The following SYNPO2 variants were observed in gnomAD, a reference collection of about 807,000 sequenced individuals.
SYNPO2 encodes synaptopodin 2, also known as synaptopodin-2.
A neutral mutation model predicts 85.0 loss-of-function variants in SYNPO2; 56 were observed. That is an observed-to-expected ratio of 0.66 (90% CI 0.53 to 0.82). The LOEUF is 0.82. Ranked by LOEUF, SYNPO2 falls within the 40% of genes least tolerant of loss-of-function variation. SYNPO2 has a pLI of 0.00. For synonymous variants in SYNPO2, 602 were observed against 591.1 expected, an observed-to-expected ratio of 1.02 and a Z score of -0.27; for missense variants, 1,575 against 1,534.2, an observed-to-expected ratio of 1.03 and a Z score of -0.44.
At chr4:118,931,634 G>A (rs565551449) in intron 1 of SYNPO2, among the ~76,000 whole-genome samples, 1 of 152,286 alleles carries the variant, frequency 6.6e-6, no homozygotes, top group East Asian at 1.9e-4. Flanking sequence ...ATACCCTGGA[G>A]TAAGCGAGGC....
chr4:118,938,472 G>A (rs2149136290), intron 1 of SYNPO2, among the ~76,000 whole-genome samples: 1 of 152,190 alleles, frequency 6.6e-6, no homozygotes, highest in African/African-American at 2.4e-5. Flanking sequence ...AATATGGAAG[G>A]CCAACTGTAT....
rs570452908 is a variant in SYNPO2, at chr4:119,051,314, C to T, written c.3253-6087C>T. The stretch of plus-strand genomic sequence containing the variant: ...ACGCCATTCTCCTGCCTCAGCCTCC[C>T]GAGTAGCTGGGACTACAAGCGCCCG... On this transcript the variant is annotated intron_variant, in intron 4 of 4. Transcript: ENST00000307142. Among the ~76,000 whole-genome samples the T allele has an allele frequency of 3.5e-5, 5 of 143,292 alleles. No individual in the cohort carries two copies. The East Asian group carries it at 6.3e-4, about 18-fold the overall frequency. The allele number at this position is 143,292 out of a possible 152,430, so 94.0% of individuals were successfully genotyped here.
intron 1 of SYNPO2, among the ~76,000 whole-genome samples, chr4:118,910,123 A>G (rs941888836): frequency 2.0e-5 from 3 of 152,116 alleles, no homozygotes; most frequent in Non-Finnish European, 2.9e-5. Flanking sequence ...TCAATCTCAG[A>G]TTTCTGTCTT....
At chr4:119,008,859 T>A (rs990668168) in intron 1 of SYNPO2, among the ~76,000 whole-genome samples, 2 of 152,186 alleles carry the variant, frequency 1.3e-5, no homozygotes, top group African/African-American at 4.8e-5. Flanking sequence ...GATGCCATAT[T>A]ATTTACAACT....
At chr4:118,920,982 C>T (rs1560865763) in intron 1 of SYNPO2, among the ~76,000 whole-genome samples, 1 of 151,862 alleles carries the variant, frequency 6.6e-6, no homozygotes, top group East Asian at 1.9e-4. Flanking sequence ...ACTATGATGT[C>T]AGACTCCTGG....
At chr4:118,968,942 T>G (rs1157435148) in intron 1 of SYNPO2, among the ~76,000 whole-genome samples, 1 of 152,174 alleles carries the variant, frequency 6.6e-6, no homozygotes, top group African/African-American at 2.4e-5. Flanking sequence ...TTATGAAATA[T>G]AGCGTGGCAA....
intron 1 of SYNPO2, among the ~76,000 whole-genome samples, chr4:118,985,270 C>T (rs1206467032): frequency 6.6e-6 from 1 of 152,218 alleles, no homozygotes; most frequent in Non-Finnish European, 1.5e-5. Context: ...TAGCTTCTGC[C>T]AGTCCTTCAG....
chr4:118,922,083 TG>T, intron 1 of SYNPO2, among the ~76,000 whole-genome samples: 1 of 152,314 alleles, frequency 6.6e-6, no homozygotes, highest in South Asian at 2.1e-4. Context: ...GTGACTAGCA[TG>T]GGCTTATAAA....
intron 4 of SYNPO2, among the ~76,000 whole-genome samples, chr4:119,049,757 T>C (rs1035454840): frequency 1.3e-5 from 2 of 152,226 alleles, no homozygotes; most frequent in Non-Finnish European, 1.5e-5. Context: ...TTAATTGACA[T>C]GAGAAGATGG....
intron 1 of SYNPO2, among the ~76,000 whole-genome samples, chr4:118,870,694 C>A (rs1054364946): frequency 1.8e-4 from 28 of 152,266 alleles, no homozygotes; most frequent in African/African-American, 6.5e-4. Context: ...GCCTTACCAG[C>A]ATCTGTTGTT....
intron 1 of SYNPO2, among the ~76,000 whole-genome samples, chr4:118,947,219 G>C (rs1734534664): frequency 6.6e-6 from 1 of 152,132 alleles, no homozygotes; most frequent in Non-Finnish European, 1.5e-5. Flanking sequence ...CTCTTTTACA[G>C]CCTGATAGGG....
intron 4 of SYNPO2, chr4:119,034,544 G>A: frequency 1.0e-6 from 1 of 985,548 alleles, no homozygotes; most frequent in Non-Finnish European, 1.2e-6. Context: ...AGGCATGTCA[G>A]GCATGCAGTA....
At chr4:118,927,472 G>A (rs1013873427) in intron 1 of SYNPO2, among the ~76,000 whole-genome samples, 8 of 152,072 alleles carry the variant, frequency 5.3e-5, no homozygotes, top group Non-Finnish European at 1.0e-4. Context: ...ATACAACTGG[G>A]TGGTATCTGA....
At chr4:119,032,505 T>C (rs927075877) in intron 4 of SYNPO2, 10 of 1,013,956 alleles carry the variant, frequency 9.9e-6, no homozygotes, top group Non-Finnish European at 1.2e-5. Flanking sequence ...TTACTAGTGT[T>C]AAAGGAATAA....
At position 118,985,075 on chromosome 4, in the gene SYNPO2, C is replaced by G. The variant is rs147996938; in HGVS notation, c.106-38355C>G. Among the ~76,000 whole-genome samples, 4 of 152,194 alleles carry G rather than the reference C, an allele frequency of 2.6e-5. 1 individual carries two copies. Among genetic ancestry groups the G allele is most frequent in the African/African-American group, 9.7e-5 (4 of 41,446 alleles). Reference sequence around the variant, plus strand: ...TGAAGATTCCCAGGCTCCAAGAAACCTACTGGTTCAGAGTCTCTGGGGTAG... The same window carrying G: ...TGAAGATTCCCAGGCTCCAAGAAACGTACTGGTTCAGAGTCTCTGGGGTAG... On this transcript the variant is annotated intron_variant, in intron 1 of 4. Coordinates refer to ENST00000307142, the MANE Select transcript of SYNPO2 (RefSeq NM_133477.3).
chr4:118,960,073 AG>A (rs1560912141), intron 1 of SYNPO2, among the ~76,000 whole-genome samples: 1 of 152,194 alleles, frequency 6.6e-6, no homozygotes, highest in Non-Finnish European at 1.5e-5. Context: ...TGTGGCCACA[AG>A]GGCACAAGTC....
At chr4:119,012,375 C>CTTTTTTTTTTTTTTTTT (rs10651853) in intron 1 of SYNPO2, among the ~76,000 whole-genome samples, 2 of 109,764 alleles carry the variant, frequency 1.8e-5, no homozygotes, top group Non-Finnish European at 1.9e-5. Context: ...TCCCCCTTTT[C>CTTTTTTTTTTTTTTTTT]TTTTTTTTTT....
At chr4:119,054,837 C>T (rs549636797) in intron 4 of SYNPO2, among the ~76,000 whole-genome samples, 125 of 152,272 alleles carry the variant, frequency 8.2e-4, no homozygotes, top group African/African-American at 2.7e-3. Flanking sequence ...GGGGTTTCAC[C>T]AGGGATCCAC....
At chr4:118,928,010 G>A (rs2149131680) in intron 1 of SYNPO2, among the ~76,000 whole-genome samples, 1 of 152,284 alleles carries the variant, frequency 6.6e-6, no homozygotes, top group South Asian at 2.1e-4. Context: ...GGAGGAGGAG[G>A]TTGTCTGCAG....
Sources: gnomAD v4.1 joint callset for allele counts (sites outside exome capture counted in the v4.1 genomes callset) on GRCh38, gnomAD v4.1.1 for gene constraint, MANE v1.5 for transcripts, NCBI Gene and HGNC (gene_info 2026-07-23, HGNC 2026-07-21) for gene names.